Variants in PALLD observed in about 807,000 individuals in gnomAD.
PALLD encodes palladin, cytoskeletal associated protein.
In PALLD, 61 loss-of-function variants were observed where a neutral mutation model predicts 123.5. The observed-to-expected ratio is 0.49, with a 90% CI of 0.40 to 0.61. The LOEUF is 0.61. Ranked by LOEUF, PALLD falls within the 20% of genes least tolerant of loss-of-function variation. The probability of loss-of-function intolerance (pLI) is 0.00; values close to 1 mark genes in which losing one functional copy is unlikely to be tolerated. For missense variants in PALLD, 1,273 were observed against 1,377.0 expected, an observed-to-expected ratio of 0.92 and a Z score of 1.20; for synonymous variants, 465 against 496.4, an observed-to-expected ratio of 0.94 and a Z score of 0.84.
At chr4:168,689,160 A>G (rs921680232) in intron 6 of PALLD, among the ~76,000 whole-genome samples, 8 of 152,200 alleles carry the variant, frequency 5.3e-5, no homozygotes, top group Non-Finnish European at 1.0e-4. Context: ...CAGACTTCAC[A>G]TTAGACTTTT....
At chr4:168,678,766 G>C (rs1781128807) in intron 3 of PALLD, among the ~76,000 whole-genome samples, 1 of 136,682 alleles carries the variant, frequency 7.3e-6, no homozygotes, top group Non-Finnish European at 1.5e-5. Flanking sequence ...CACAAGATCA[G>C]AGGGGTATGT....
At position 168,889,353 on chromosome 4, in the gene PALLD, G is replaced by A. The variant is rs190318124; in HGVS notation, c.1965-1569G>A. ...TAATTTTTGTATTTTTAGTAGAGAC[G>A]GGGTTTTACCATGTTGGCCAAGCTG... On this transcript the variant is annotated intron_variant, in intron 10 of 21. Transcript: ENST00000505667. Among the ~76,000 whole-genome samples, 10 of 151,620 alleles carry A rather than the reference G, an allele frequency of 6.6e-5. No individual in the cohort carries two copies. In the East Asian group the frequency reaches 1.2e-3, roughly 18 times the overall value.
At chr4:168,811,395 A>T (rs1294098923) in intron 10 of PALLD, among the ~76,000 whole-genome samples, 1 of 152,106 alleles carries the variant, frequency 6.6e-6, no homozygotes, top group Non-Finnish European at 1.5e-5. Context: ...CTCTTTTGTC[A>T]TGAGTAGATA....
intron 2 of PALLD, among the ~76,000 whole-genome samples, chr4:168,542,105 G>C (rs1432879563): frequency 1.3e-5 from 2 of 152,154 alleles, no homozygotes; most frequent in South Asian, 4.1e-4. Flanking sequence ...ACACCTTTAA[G>C]GTTATACTGC....
At chr4:168,901,776 T>C (rs919514059) in intron 14 of PALLD, among the ~76,000 whole-genome samples, 1 of 152,156 alleles carries the variant, frequency 6.6e-6, no homozygotes, top group South Asian at 2.1e-4. Context: ...GAGATTCACT[T>C]GAACCCGGGA....
chr4:168,511,068 A>T (rs1290507043), intron 1 of PALLD, among the ~76,000 whole-genome samples: 1 of 152,178 alleles, frequency 6.6e-6, no homozygotes, highest in Non-Finnish European at 1.5e-5. Flanking sequence ...TCAGAGTCAG[A>T]TTTACTAAAA....
At chr4:168,593,695 G>A (rs563837135) in intron 2 of PALLD, among the ~76,000 whole-genome samples, 2 of 152,232 alleles carry the variant, frequency 1.3e-5, no homozygotes, top group Admixed American at 6.5e-5. Context: ...ATTTTAAAAC[G>A]TAGTGAATTA....
chr4:168,921,712 A>G lies in PALLD; in HGVS notation c.3029A>G (p.Asn1010Ser). 1.9e-6 allele frequency: 3 copies of G among 1,611,542 alleles called. No individual in the cohort carries two copies. The highest frequency in any genetic ancestry group is 2.5e-6 in the Non-Finnish European group (3 of 1,179,766). ...TCIATNRAGQ[N>S]SFSLELVVAA... ...ATAGCTACCAACCGAGCAGGACAGA[A>G]CTCATTCAGCCTGGAGCTTGTGGTT... is the stretch of plus-strand genomic sequence containing the variant. The change falls in exon 18 of 22, where the codon AAC (asparagine) becomes AGC (serine). Residue 1010 changes from asparagine to serine, a missense_variant. Coordinates refer to ENST00000505667, the MANE Select transcript of PALLD (RefSeq NM_001166108.2).
intron 2 of PALLD, among the ~76,000 whole-genome samples, chr4:168,565,719 A>C (rs1181323643): frequency 6.6e-6 from 1 of 152,202 alleles, no homozygotes; most frequent in Non-Finnish European, 1.5e-5. Flanking sequence ...CTAGTTTATT[A>C]GTGAATAATA....
At chr4:168,715,904 AGC>A (rs1166121490) in intron 10 of PALLD, among the ~76,000 whole-genome samples, 2 of 150,090 alleles carry the variant, frequency 1.3e-5, no homozygotes, top group African/African-American at 5.0e-5. Flanking sequence ...GAGCCGAGAT[AGC>A]GCCACTGCCC....
intron 6 of PALLD, 91 bp from the exon 7 acceptor site, chr4:168,690,512 T>A: frequency 6.7e-7 from 1 of 1,498,364 alleles, no homozygotes; most frequent in African/African-American, 1.4e-5. Context: ...CTGTTTTGTC[T>A]GAGGTTTGGA....
chr4:168,890,102 A>G (rs1355923401), intron 10 of PALLD, among the ~76,000 whole-genome samples: 1 of 152,180 alleles, frequency 6.6e-6, no homozygotes, highest in Non-Finnish European at 1.5e-5. Flanking sequence ...AGAGGAAGAA[A>G]AATAGGAAGC....
intron 1 of PALLD, among the ~76,000 whole-genome samples, chr4:168,509,887 T>C (rs1182497608): frequency 6.6e-6 from 1 of 152,216 alleles, no homozygotes; most frequent in Non-Finnish European, 1.5e-5. Context: ...AGTGAAGCAG[T>C]AGGCTCTTGA....
chr4:168,597,981 G>A (rs1404157770), intron 2 of PALLD, among the ~76,000 whole-genome samples: 1 of 151,906 alleles, frequency 6.6e-6, no homozygotes, highest in Non-Finnish European at 1.5e-5. Context: ...TATATGATTT[G>A]CTCTTCTTTA....
At chr4:168,597,514 T>TG (rs1772115997) in intron 2 of PALLD, among the ~76,000 whole-genome samples, 1 of 152,136 alleles carries the variant, frequency 6.6e-6, no homozygotes, top group Non-Finnish European at 1.5e-5. Context: ...ATTGATGTAC[T>TG]GCCTGGCATA....
At chr4:168,520,578 T>G (rs1409819901) in intron 2 of PALLD, among the ~76,000 whole-genome samples, 1 of 152,208 alleles carries the variant, frequency 6.6e-6, no homozygotes, top group Non-Finnish European at 1.5e-5. Flanking sequence ...GTAGCTTACC[T>G]GCAAGGCCAT....
chr4:168,746,847 C>T (rs1322130818), intron 10 of PALLD, among the ~76,000 whole-genome samples: 1 of 151,506 alleles, frequency 6.6e-6, no homozygotes, highest in East Asian at 1.9e-4. Flanking sequence ...AGTTGAATGA[C>T]TGAGAAGACA....
intron 10 of PALLD, among the ~76,000 whole-genome samples, chr4:168,797,963 T>A (rs1346095387): frequency 6.6e-6 from 1 of 151,626 alleles, no homozygotes; most frequent in African/African-American, 2.4e-5. Flanking sequence ...TTTTCTTGAG[T>A]TCAGTGTCAT....
chr4:168,528,071 C>A (rs892897704), intron 2 of PALLD, among the ~76,000 whole-genome samples: 24 of 152,176 alleles, frequency 1.6e-4, no homozygotes, highest in African/African-American at 5.8e-4. Flanking sequence ...CAGATATAAT[C>A]TTTTCATGAA....
Sources: gnomAD v4.1 joint callset for allele counts (sites outside exome capture counted in the v4.1 genomes callset) on GRCh38, gnomAD v4.1.1 for gene constraint, MANE v1.5 for transcripts, NCBI Gene and HGNC (gene_info 2026-07-23, HGNC 2026-07-21) for gene names.